CDKN2A: variants seen among roughly 807,000 people sequenced by gnomAD.
CDKN2A encodes cyclin dependent kinase inhibitor 2A.
In CDKN2A, 3 loss-of-function variants were observed where a neutral mutation model predicts 11.1. The ratio of observed to expected loss-of-function variants is 0.27; its 90% CI spans 0.12 to 0.70. CDKN2A has a LOEUF of 0.70. CDKN2A is among the 30% of genes least tolerant of loss of function. The pLI is 0.77. For missense variants in CDKN2A, 265 were observed against 233.6 expected (o/e 1.13, Z -0.88); for synonymous variants, 122 against 108.1 (o/e 1.13, Z -0.80).
intron 2 of CDKN2A, among the ~76,000 whole-genome samples, chr9:21,983,427 C>G (rs1230958111): frequency 6.6e-6 from 1 of 151,980 alleles, no homozygotes; most frequent in Non-Finnish European, 1.5e-5. Context: ...CAAACTTCTC[C>G]AAAAACACTT....
chr9:21,973,176 A>T (rs551154291), intron 1 of CDKN2A, among the ~76,000 whole-genome samples: 5 of 152,346 alleles, frequency 3.3e-5, no homozygotes, highest in African/African-American at 9.6e-5. Context: ...AGTATGAAAA[A>T]TCTAAAAAGT....
At chr9:21,970,600 T>A (rs1388717998) in intron 2 of CDKN2A, 1 of 589,954 alleles carries the variant, frequency 1.7e-6, no homozygotes. Context: ...TCTTGAGTCT[T>A]CATTGCTCCG....
At chr9:21,971,575 A>ATTTTTT (rs59981968) in intron 1 of CDKN2A, among the ~76,000 whole-genome samples, 10,500 of 110,954 alleles carry the variant, frequency 0.095, 810 homozygotes, top group Middle Eastern at 0.13. Context: ...AGGCCTGGAG[A>ATTTTTT]TTTTTTTTTT....
chr9:21,992,801 A>C (rs1307501832), intron 2 of CDKN2A, among the ~76,000 whole-genome samples: 1 of 152,066 alleles, frequency 6.6e-6, no homozygotes, highest in Non-Finnish European at 1.5e-5. Context: ...TACCGGTCAC[A>C]GTGGCTAAAC....
Position 21,983,656 on chromosome 9 carries a change from A to G in CDKN2A, c.-4+10226T>C, listed in dbSNP as rs1336630832. Among the ~76,000 whole-genome samples, 4 of 152,078 alleles carry G rather than the reference A, an allele frequency of 2.6e-5. No individual in the cohort carries two copies. In the South Asian group the frequency reaches 8.3e-4, roughly 31 times the overall value. ...AGATAACAAAATGGAGGAGTGGTAC[A>G]TATTGAGGAACTATGTAGCTATGGT... On this transcript the variant is annotated intron_variant, in intron 2 of 3. Coordinates refer to the CDKN2A transcript ENST00000494262.
intron 1 of CDKN2A, among the ~76,000 whole-genome samples, chr9:21,973,496 T>C: frequency 6.6e-6 from 1 of 152,230 alleles, no homozygotes; most frequent in South Asian, 2.1e-4. Flanking sequence ...AGGTCTCTTC[T>C]AAGATATTGT....
rs1422196912 is a variant in CDKN2A at position 21,968,557 on chromosome 9, GTC to G, written c.458-317_458-316del. ...GAAGAAAACGAGTGTTATATAATGA[GTC>G]TCAGTGGTTGCTCACAATGCCAGGC... On this transcript the variant is annotated intron_variant, in intron 2 of 2. Coordinates refer to ENST00000304494, the MANE Select transcript of CDKN2A (RefSeq NM_000077.5). This position sits in a 1 kb window ranked among gnomAD's most constrained non-coding sequence, Gnocchi z 4.7. The G allele has an allele frequency of 2.3e-5, 34 of 1,461,044 alleles. No individual in the cohort carries two copies. Among genetic ancestry groups the G allele is most frequent in the Non-Finnish European group, 2.9e-5 (32 of 1,114,040 alleles). 90.5% of individuals were successfully genotyped at this position (1,461,044 alleles called of 1,614,324 possible).
At chr9:21,994,594 T>A (rs1820554718) in intron 1 of CDKN2A, 4 of 749,878 alleles carry the variant, frequency 5.3e-6, no homozygotes, top group Middle Eastern at 4.4e-4. Context: ...CGGGAAGGGC[T>A]GCCGGAGGCG....
intron 2 of CDKN2A, chr9:21,993,771 AAAGT>A (rs1338412924): frequency 1.5e-5 from 4 of 269,468 alleles, no homozygotes; most frequent in East Asian, 8.7e-5. Flanking sequence ...AAGGAGAAAG[AAAGT>A]GTGCTTGAAA....
chr9:21,970,083 A>C (rs2131087649), intron 2 of CDKN2A, among the ~76,000 whole-genome samples: 1 of 152,266 alleles, frequency 6.6e-6, no homozygotes, highest in Admixed American at 6.5e-5. Flanking sequence ...TTTCAAAAAA[A>C]AATGTTCCTC....
Position 21,968,541 on chromosome 9 carries a change from G to T in CDKN2A, c.458-299C>A, listed in dbSNP as rs1819523211. 8.3e-6 allele frequency: 12 copies of T among 1,450,878 alleles called. No homozygotes were observed. The highest frequency in any genetic ancestry group is 1.1e-5 in the Non-Finnish European group (12 of 1,109,216). 89.9% of individuals were successfully genotyped at this position (1,450,878 alleles called of 1,614,324 possible). On this transcript the variant is annotated intron_variant, in intron 2 of 2. Coordinates refer to ENST00000304494, the MANE Select transcript of CDKN2A (RefSeq NM_000077.5). This position sits in a 1 kb window ranked among gnomAD's most constrained non-coding sequence, Gnocchi z 4.7. ...GCCCGCAGGGTTGCAAGAAGAAAAC[G>T]AGTGTTATATAATGAGTCTCAGTGG...
At position 21,974,576 on chromosome 9, in the gene CDKN2A, T is replaced by C; in HGVS notation, c.150+102A>G. On this transcript the variant is annotated intron_variant, in intron 1 of 2. Transcript: ENST00000304494. This position sits in a 1 kb window ranked among gnomAD's most constrained non-coding sequence, Gnocchi z 5.2. ...AAAACTCCCCAGGAAGCCTCCCCTT[T>C]TTCCGGAGAATCGAAGCGCTACCTG... The C allele has an allele frequency of 6.2e-7, 1 of 1,613,806 alleles. No individual in the cohort carries two copies. Among genetic ancestry groups the C allele is most frequent in the Non-Finnish European group, 8.5e-7 (1 of 1,180,012 alleles).
intron 1 of CDKN2A, chr9:21,971,455 G>A: frequency 8.5e-7 from 1 of 1,177,530 alleles, no homozygotes; most frequent in Non-Finnish European, 1.1e-6. Flanking sequence ...AGCACTGTGA[G>A]GCACGGGCAA....
rs369590378 is a variant in CDKN2A, at chr9:21,970,853, G to C, written c.457+49C>G. 5.0e-6 allele frequency: 8 copies of C among 1,598,974 alleles called. No homozygotes were observed. The highest frequency in any genetic ancestry group is 6.0e-6 in the Non-Finnish European group (7 of 1,174,734). Reference sequence around the variant, plus strand: ...TTCTGTGCTGGAAAATGAATGCTCTGAGCTTTGGAAGCTCTCAGGGTACAA... The same window carrying C: ...TTCTGTGCTGGAAAATGAATGCTCTCAGCTTTGGAAGCTCTCAGGGTACAA... On this transcript the variant is annotated intron_variant, in intron 2 of 2. Transcript: ENST00000304494.
Position 21,994,190 on chromosome 9 carries a change from T to A in CDKN2A, c.-175-137A>T, listed in dbSNP as rs1820528622. On this transcript the variant is annotated intron_variant, in intron 1 of 3. Transcript: ENST00000494262. ...CCTAGACGCTGGCTCCTCAGTAGCA[T>A]CAGCACGAGGGCCACAGCGGCGGGC... The A allele has an allele frequency of 1.9e-6, 3 of 1,606,112 alleles. No individual in the cohort carries two copies. Among genetic ancestry groups the A allele is most frequent in the South Asian group, 2.2e-5 (2 of 91,074 alleles).
intron 2 of CDKN2A, chr9:21,969,629 A>G (rs909768643): frequency 1.2e-4 from 46 of 395,324 alleles, no homozygotes; most frequent in African/African-American, 8.4e-4. Flanking sequence ...TTGTGGCCCA[A>G]TTCAGTAGTT....
Position 21,968,735 on chromosome 9 carries a change from C to G in CDKN2A, c.458-493G>C, listed in dbSNP as rs1377448225. On this transcript the variant is annotated intron_variant, in intron 2 of 2. Coordinates refer to ENST00000304494, the MANE Select transcript of CDKN2A (RefSeq NM_000077.5). The surrounding 1 kb of genome is among the most constrained non-coding windows in gnomAD (Gnocchi z 4.7). ...AATCCCGTAGCTTCCCTACGCATGCCTGCTTCTACAAACCCACAAATGGTT... is the reference window on the plus strand; with the variant it reads ...AATCCCGTAGCTTCCCTACGCATGCGTGCTTCTACAAACCCACAAATGGTT... 6.5e-7 allele frequency: 1 copy of G among 1,536,042 alleles called. No individual in the cohort carries two copies. Among genetic ancestry groups the G allele is most frequent in the Non-Finnish European group, 8.7e-7 (1 of 1,146,920 alleles).
rs1029743625 is a variant in CDKN2A at position 21,971,401 on chromosome 9, A to G, written c.151-193T>C. 5.5e-6 allele frequency: 8 copies of G among 1,446,490 alleles called. No individual in the cohort carries two copies. The African/African-American group carries it at 8.6e-5, about 15-fold the overall frequency. 89.6% of individuals were successfully genotyped at this position (1,446,490 alleles called of 1,614,324 possible). ...CATTCTTCAGTACACAATGAATTCC[A>G]TTATATCCTCCGAACTTCTGCGGAG... On this transcript the variant is annotated intron_variant, in intron 1 of 2. Coordinates refer to ENST00000304494, the MANE Select transcript of CDKN2A (RefSeq NM_000077.5).
At position 21,968,140 on chromosome 9, in the gene CDKN2A, G is replaced by A. The variant is rs907289285; in HGVS notation, c.*89C>T. 5 of 1,132,146 alleles carry A rather than the reference G, an allele frequency of 4.4e-6. No individual in the cohort carries two copies. The highest frequency in any genetic ancestry group is 6.8e-6 in the Non-Finnish European group (5 of 739,848). The allele number at this position is 1,132,146 out of a possible 1,614,324, so 70.1% of individuals were successfully genotyped here. Reference sequence around the variant, plus strand: ...AATGAAAACTACGAAAGCGGGGTGGGTTGTGGCGGGGGCAGTTGTGGCCCT... The same window carrying A: ...AATGAAAACTACGAAAGCGGGGTGGATTGTGGCGGGGGCAGTTGTGGCCCT... On this transcript the variant is annotated 3_prime_UTR_variant, in exon 3 of 3. Transcript: ENST00000304494. This position sits in a 1 kb window ranked among gnomAD's most constrained non-coding sequence, Gnocchi z 4.7.
Sources: gnomAD v4.1 joint callset for allele counts (sites outside exome capture counted in the v4.1 genomes callset) on GRCh38, gnomAD v4.1.1 for gene constraint, Gnocchi (gnomAD v3.1) non-coding constraint, MANE v1.5 for transcripts, NCBI Gene and HGNC (gene_info 2026-07-23, HGNC 2026-07-21) for gene names.